The following GRM8 variants were observed in gnomAD, a reference collection of about 807,000 sequenced individuals.
The protein encoded by GRM8 is glutamate metabotropic receptor 8, also known as metabotropic glutamate receptor 8.
Under a neutral mutation model 87.2 loss-of-function variants are expected in GRM8, and 47 were observed. The observed-to-expected ratio is 0.54, with a 90% CI of 0.43 to 0.69. The LOEUF (loss-of-function observed/expected upper bound fraction) is 0.69. GRM8 is among the 30% of genes least tolerant of loss of function. The pLI is 0.00. For missense variants in GRM8, 1,019 were observed against 1,139.2 expected, an observed-to-expected ratio of 0.89 and a Z score of 1.52; for synonymous variants, 396 against 404.5, an observed-to-expected ratio of 0.98 and a Z score of 0.25.
intron 6 of GRM8, among the ~76,000 whole-genome samples, chr7:126,806,795 G>A (rs981217897): frequency 2.0e-5 from 3 of 152,178 alleles, no homozygotes; most frequent in South Asian, 2.1e-4. Flanking sequence ...CGGCTGTGCC[G>A]CTGAGTGCGG....
chr7:126,477,581 G>GAGAAAGAAAGAAAGAAAGAAAGAGAA (rs1806103386), intron 9 of GRM8, among the ~76,000 whole-genome samples: 60 of 79,158 alleles, frequency 7.6e-4, no homozygotes, highest in African/African-American at 3.3e-3. Context: ...GAAAGAAAGA[G>GAGAAAGAAAGAAAGAAAGAAAGAGAA]AGAAAGAAAG....
rs139850860 is a variant in GRM8, at chr7:126,958,792, C to T, written c.728-54109G>A. Reference sequence around the variant, plus strand: ...AAAGAATAATCTAAAGGGAAAAGATCCAAATCTATTATTATATTAAGGGTT... The same window carrying T: ...AAAGAATAATCTAAAGGGAAAAGATTCAAATCTATTATTATATTAAGGGTT... On this transcript the variant is annotated intron_variant, in intron 3 of 10. Transcript: ENST00000339582. Among the ~76,000 whole-genome samples the T allele has an allele frequency of 1.1e-3, 160 of 152,272 alleles. 2 individuals are homozygous for T. Among genetic ancestry groups the T allele is most frequent in the East Asian group, 5.0e-3 (26 of 5,166 alleles).
chr7:127,242,057 T>G (rs1798335196), intron 2 of GRM8, among the ~76,000 whole-genome samples: 1 of 152,206 alleles, frequency 6.6e-6, no homozygotes, highest in South Asian at 2.1e-4. Flanking sequence ...AAAGTCTAAT[T>G]TATCCTGCTA....
chr7:126,868,642 T>C (rs1798815807), intron 6 of GRM8: 1 of 152,230 alleles, frequency 6.6e-6, no homozygotes, highest in Admixed American at 6.5e-5. Context: ...ACACATGAAA[T>C]TTTTGGTTTC....
chr7:126,781,051 C>A (rs1341832621), intron 6 of GRM8, among the ~76,000 whole-genome samples: 1 of 152,092 alleles, frequency 6.6e-6, no homozygotes, highest in East Asian at 1.9e-4. Context: ...AAGAGTGGTA[C>A]CCAAGGGTGA....
chr7:126,470,186 T>C (rs1343063970), intron 9 of GRM8, among the ~76,000 whole-genome samples: 1 of 152,152 alleles, frequency 6.6e-6, no homozygotes, highest in South Asian at 2.1e-4. Flanking sequence ...TTCTTTTTTT[T>C]ATTTTATTTT....
chr7:127,106,786 C>A, intron 2 of GRM8, 74 bp from the exon 3 acceptor site: 3 of 1,073,212 alleles, frequency 2.8e-6, no homozygotes. Context: ...ATGAGCTAAA[C>A]AGCCAAGGCT....
At chr7:126,980,897 C>T (rs749272226) in intron 3 of GRM8, 1 of 152,194 alleles carries the variant, frequency 6.6e-6, no homozygotes, top group Non-Finnish European at 1.5e-5. Flanking sequence ...TTTAAAAGTG[C>T]CAGTCATTGC....
At chr7:127,212,211 G>T (rs1326452359) in intron 2 of GRM8, among the ~76,000 whole-genome samples, 1 of 152,162 alleles carries the variant, frequency 6.6e-6, no homozygotes, top group Non-Finnish European at 1.5e-5. Context: ...GCTGAGGCTA[G>T]ACAGAGATTC....
At chr7:126,876,182 T>C (rs780649907) in intron 6 of GRM8, among the ~76,000 whole-genome samples, 12 of 152,342 alleles carry the variant, frequency 7.9e-5, no homozygotes, top group South Asian at 2.1e-4. Context: ...TGGCATTTAC[T>C]GTCTCCTCTC....
At chr7:126,668,449 C>T (rs1344565007) in intron 7 of GRM8, among the ~76,000 whole-genome samples, 1 of 152,134 alleles carries the variant, frequency 6.6e-6, no homozygotes, top group Non-Finnish European at 1.5e-5. Context: ...CCCCAACCCC[C>T]TGTCTCCCCC....
At chr7:127,177,599 A>G (rs1317995971) in intron 2 of GRM8, among the ~76,000 whole-genome samples, 1 of 152,072 alleles carries the variant, frequency 6.6e-6, no homozygotes, top group African/African-American at 2.4e-5. Flanking sequence ...AATCCATTGA[A>G]CACCCCTGCC....
chr7:126,598,022 C>T lies in GRM8; in HGVS notation c.1494+11340G>A, dbSNP rs978012227. Among the ~76,000 whole-genome samples the T allele has an allele frequency of 2.6e-5, 4 of 152,028 alleles. 1 individual carries two copies. Among genetic ancestry groups the T allele is most frequent in the African/African-American group, 9.7e-5 (4 of 41,434 alleles). The stretch of plus-strand genomic sequence containing the variant: ...TATTGAACACTAGAACTCCTTCCTT[C>T]TAGCTGACTATATTTTTGTACCCAC... On this transcript the variant is annotated intron_variant, in intron 8 of 10. Coordinates refer to ENST00000339582, the MANE Select transcript of GRM8 (RefSeq NM_000845.3).
In GRM8 at chr7:127,086,854, T is replaced by C. The variant is rs17869529; in HGVS notation, c.727+19642A>G. On this transcript the variant is annotated intron_variant, in intron 3 of 10. Transcript: ENST00000339582. ...TCTTGTTCCACCTTCATTAATCAAG[T>C]CCTCCCTCCAGCTTGTTGTTTACCA... Among the ~76,000 whole-genome samples the C allele has an allele frequency of 4.0e-3, 606 of 152,158 alleles. 22 individuals are homozygous for C. In the East Asian group the frequency reaches 0.082, roughly 20 times the overall value.
intron 7 of GRM8, among the ~76,000 whole-genome samples, chr7:126,635,560 T>C (rs1338576031): frequency 6.6e-6 from 1 of 152,142 alleles, no homozygotes; most frequent in Non-Finnish European, 1.5e-5. Flanking sequence ...CAAAATGTAT[T>C]CTTTCAGAAA....
chr7:126,448,746 A>G (rs1389368001), intron 9 of GRM8, among the ~76,000 whole-genome samples: 1 of 151,890 alleles, frequency 6.6e-6, no homozygotes, highest in Non-Finnish European at 1.5e-5. Flanking sequence ...TTAATACAGG[A>G]AAGGCATCTA....
At position 126,849,301 on chromosome 7, in the gene GRM8, C is replaced by G. The variant is rs112183521; in HGVS notation, c.1156+53241G>C. 6.8e-3 allele frequency among the ~76,000 whole-genome samples: 1,040 copies of G among 152,264 alleles called. 12 individuals are homozygous for G. The highest frequency in any genetic ancestry group is 0.023 in the African/African-American group (961 of 41,548). The stretch of plus-strand genomic sequence containing the variant: ...GAAAGCATATAGGGAATACTTTACC[C>G]TAGCTCTACACTATACCTGAAAGCA... On this transcript the variant is annotated intron_variant, in intron 6 of 10. Coordinates refer to ENST00000339582, the MANE Select transcript of GRM8 (RefSeq NM_000845.3).
rs547316056 is a variant in GRM8 at position 126,866,125 on chromosome 7, G to A, written c.1156+36417C>T. 5.3e-5 allele frequency among the ~76,000 whole-genome samples: 8 copies of A among 152,320 alleles called. No homozygotes were observed. The East Asian group carries it at 1.5e-3, about 29-fold the overall frequency. On this transcript the variant is annotated intron_variant, in intron 6 of 10. Transcript: ENST00000339582. Reference sequence around the variant, plus strand: ...TTTTTTATAACAGCCATCCTGGTGGGTGTGAAGTGGTATCTAATTATGGTT... The same window carrying A: ...TTTTTTATAACAGCCATCCTGGTGGATGTGAAGTGGTATCTAATTATGGTT...
At chr7:126,929,412 T>G (rs1181560889) in intron 3 of GRM8, among the ~76,000 whole-genome samples, 1 of 152,070 alleles carries the variant, frequency 6.6e-6, no homozygotes, top group Non-Finnish European at 1.5e-5. Flanking sequence ...AAAACTGAGT[T>G]TTAAATTTAT....
Sources: gnomAD v4.1 joint callset for allele counts (sites outside exome capture counted in the v4.1 genomes callset) on GRCh38, gnomAD v4.1.1 for gene constraint, MANE v1.5 for transcripts, NCBI Gene and HGNC (gene_info 2026-07-23, HGNC 2026-07-21) for gene names.